DLGAP2: variants seen among roughly 807,000 people sequenced by gnomAD.
DLGAP2 encodes the protein disks large-associated protein 2.
In DLGAP2, 26 loss-of-function variants were observed where a neutral mutation model predicts 100.3. That is an observed-to-expected ratio of 0.26 (90% CI 0.19 to 0.36). The LOEUF is 0.36. Among genes scored for constraint, DLGAP2 ranks in the 10% least tolerant of loss-of-function variants. DLGAP2 has a pLI of 1.00. For missense variants in DLGAP2, 1,858 were observed against 1,453.2 expected (o/e 1.28, Z -4.53); for synonymous variants, 886 against 630.1 (o/e 1.41, Z -6.08).
At chr8:1,147,308 G>C (rs556412540) in intron 2 of DLGAP2, among the ~76,000 whole-genome samples, 1 of 152,136 alleles carries the variant, frequency 6.6e-6, no homozygotes, top group East Asian at 1.9e-4. Flanking sequence ...TAATTTACAG[G>C]TTTTTTATTG....
At chr8:920,880 C>G (rs1212924635) in intron 2 of DLGAP2, among the ~76,000 whole-genome samples, 1 of 152,216 alleles carries the variant, frequency 6.6e-6, no homozygotes, top group Admixed American at 6.5e-5. Flanking sequence ...GCCGGGTTTA[C>G]TGTGTGCTTG....
rs1563099116 is a variant in DLGAP2 at position 1,350,287 on chromosome 8, AGCGT to A, written c.106+91410_106+91413del. 2.9e-3 allele frequency among the ~76,000 whole-genome samples: 255 copies of A among 88,738 alleles called. 22 individuals carry two copies. Among genetic ancestry groups the A allele is most frequent in the Middle Eastern group, 6.1e-3 (1 of 164 alleles). 58.2% of individuals were successfully genotyped at this position (88,738 alleles called of 152,430 possible). ...GTGTGGAACGGCCGTGCGGGTCCTG[AGCGT>A]GCGTGGAAAGGCCGTGCGGGTCCTG... On this transcript the variant is annotated intron_variant, in intron 3 of 14. Coordinates refer to ENST00000637795, the MANE Select transcript of DLGAP2 (RefSeq NM_001346810.2).
intron 2 of DLGAP2, among the ~76,000 whole-genome samples, chr8:999,660 T>A (rs1256725816): frequency 6.6e-6 from 1 of 152,144 alleles, no homozygotes; most frequent in East Asian, 1.9e-4. Context: ...TTTGTATTTT[T>A]AGTAGAAATG....
At chr8:888,032 C>G (rs999247480) in intron 1 of DLGAP2, among the ~76,000 whole-genome samples, 1 of 152,142 alleles carries the variant, frequency 6.6e-6, no homozygotes, top group Non-Finnish European at 1.5e-5. Flanking sequence ...TAGGTTTAAT[C>G]TTTTTATGAA....
chr8:1,479,907 A>G, intron 3 of DLGAP2, among the ~76,000 whole-genome samples: 1 of 152,232 alleles, frequency 6.6e-6, no homozygotes, highest in East Asian at 1.9e-4. Flanking sequence ...TCATTGTGAA[A>G]GTATCTCAGC....
chr8:1,634,107 G>C (rs1199649602), intron 8 of DLGAP2, among the ~76,000 whole-genome samples: 2 of 152,230 alleles, frequency 1.3e-5, no homozygotes, highest in African/African-American at 4.8e-5. Flanking sequence ...GGAAGGAACT[G>C]TGTTCAAACC....
chr8:1,121,395 A>ACCAC (rs1796044282), intron 2 of DLGAP2, among the ~76,000 whole-genome samples: 1 of 148,746 alleles, frequency 6.7e-6, no homozygotes, highest in African/African-American at 2.5e-5. Flanking sequence ...AGAAACCCTG[A>ACCAC]CCACCCATCC....
At chr8:1,420,487 A>G (rs1304643876) in intron 3 of DLGAP2, among the ~76,000 whole-genome samples, 1 of 152,168 alleles carries the variant, frequency 6.6e-6, no homozygotes, top group Non-Finnish European at 1.5e-5. Flanking sequence ...TTCATCCTAT[A>G]GCAAATTTCC....
intron 2 of DLGAP2, among the ~76,000 whole-genome samples, chr8:1,089,425 A>G (rs1804098661): frequency 6.6e-6 from 1 of 152,116 alleles, no homozygotes; most frequent in African/African-American, 2.4e-5. Context: ...GTGAGACTCC[A>G]TCGCCTTCCT....
chr8:967,171 G>C (rs1166633152), intron 2 of DLGAP2, among the ~76,000 whole-genome samples: 2 of 152,240 alleles, frequency 1.3e-5, no homozygotes, highest in African/African-American at 4.8e-5. Flanking sequence ...TGCTTTCACT[G>C]CCTGTGTCAT....
chr8:839,521 A>G (rs1796942743), intron 1 of DLGAP2, among the ~76,000 whole-genome samples: 1 of 152,206 alleles, frequency 6.6e-6, no homozygotes, highest in Non-Finnish European at 1.5e-5. Context: ...AATCTAAAAC[A>G]TTGAGCTCAC....
chr8:1,549,371 C>G lies in DLGAP2; in HGVS notation c.918C>G (p.Asp306Glu), dbSNP rs936806506. ...WWSSDDNLDSDSTYRTPSVLN... is the reference protein window; with the variant it reads ...WWSSDDNLDSESTYRTPSVLN... The stretch of plus-strand genomic sequence containing the variant: ...GCTCGGACGACAACCTGGACAGCGA[C>G]AGCACCTATCGGACGCCCAGCGTGC... Residue 306 changes from aspartate (D) to glutamate (E), a missense_variant, in exon 5 of 15, where the codon GAC becomes GAG. Physicochemically the swap from Asp to Glu is conservative, Grantham distance 45 (BLOSUM62 2). Coordinates refer to ENST00000637795, the MANE Select transcript of DLGAP2 (RefSeq NM_001346810.2). 3.1e-6 allele frequency: 5 copies of G among 1,613,386 alleles called. No individual in the cohort carries two copies. The African/African-American group carries it at 4.0e-5, about 13-fold the overall frequency.
At chr8:1,620,552 T>G (rs1197177586) in intron 6 of DLGAP2, 1 of 152,430 alleles carries the variant, frequency 6.6e-6, no homozygotes, top group Non-Finnish European at 1.5e-5. Flanking sequence ...AGGTCCAACC[T>G]CCAAAACCTG....
intron 3 of DLGAP2, among the ~76,000 whole-genome samples, chr8:1,323,985 A>G (rs1800965363): frequency 1.3e-5 from 2 of 152,204 alleles, no homozygotes; most frequent in Admixed American, 6.5e-5. Context: ...GACACAGTAA[A>G]GAAGTTGCTG....
At chr8:994,430 C>T (rs1800728766) in intron 2 of DLGAP2, among the ~76,000 whole-genome samples, 1 of 152,090 alleles carries the variant, frequency 6.6e-6, no homozygotes, top group African/African-American at 2.4e-5. Context: ...GAACTCCCGA[C>T]CTCAGGTGAT....
intron 3 of DLGAP2, among the ~76,000 whole-genome samples, chr8:1,415,013 G>GA (rs535636527): frequency 3.6e-4 from 54 of 150,192 alleles, no homozygotes; most frequent in Non-Finnish European, 7.0e-4. Flanking sequence ...CGTCTCAAAA[G>GA]AAAAAAAAAG....
At chr8:1,414,418 C>T (rs1217269483) in intron 3 of DLGAP2, among the ~76,000 whole-genome samples, 1 of 152,148 alleles carries the variant, frequency 6.6e-6, no homozygotes, top group Non-Finnish European at 1.5e-5. Flanking sequence ...AGGTCGTGAC[C>T]CATGGAGCCG....
rs58556079 is a variant in DLGAP2, at chr8:1,152,958, C to G, written c.74-105893C>G. Among the ~76,000 whole-genome samples the G allele has an allele frequency of 3.4e-3, 523 of 152,316 alleles. 2 individuals are homozygous for G. The highest frequency in any genetic ancestry group is 0.011 in the African/African-American group (459 of 41,576). The stretch of plus-strand genomic sequence containing the variant: ...GCACGCCCACTCAAACATTTTTCCT[C>G]TCTGATGTATTTGGCACTATTAATT... On this transcript the variant is annotated intron_variant, in intron 2 of 14. Coordinates refer to ENST00000637795, the MANE Select transcript of DLGAP2 (RefSeq NM_001346810.2).
chr8:1,514,062 G>A lies in DLGAP2; in HGVS notation c.172+12631G>A, dbSNP rs780805897. On this transcript the variant is annotated intron_variant, in intron 4 of 14. Transcript: ENST00000637795. ...TGCTTTAAATAATTTACTTCTGAGC[G>A]CCCACCACTCTGGAGAAGAGCTAGG... Among the ~76,000 whole-genome samples the A allele has an allele frequency of 3.0e-4, 45 of 152,280 alleles. No homozygotes were observed. The Middle Eastern group carries it at 0.014, about 46-fold the overall frequency.
Sources: gnomAD v4.1 joint callset for allele counts (sites outside exome capture counted in the v4.1 genomes callset) on GRCh38, gnomAD v4.1.1 for gene constraint, MANE v1.5 for transcripts, NCBI Gene and HGNC (gene_info 2026-07-23, HGNC 2026-07-21) for gene names.